Variants in CDH11 observed in about 807,000 individuals in gnomAD.
The protein encoded by CDH11 is cadherin-11.
A neutral mutation model predicts 67.8 loss-of-function variants in CDH11; 11 were observed. The ratio of observed to expected loss-of-function variants is 0.16; its 90% confidence interval spans 0.10 to 0.27. CDH11 has a LOEUF of 0.27. Among genes scored for constraint, CDH11 ranks in the 10% least tolerant of loss-of-function variants. CDH11 has a pLI of 1.00. For missense variants in CDH11, 847 were observed against 1,031.2 expected, an observed-to-expected ratio of 0.82 and a Z score of 2.45; for synonymous variants, 419 against 400.0, an observed-to-expected ratio of 1.05 and a Z score of -0.57.
intron 7 of CDH11, chr16:64,986,520 A>G (rs954768836): frequency 1.3e-5 from 2 of 151,930 alleles, no homozygotes; most frequent in African/African-American, 4.8e-5. Context: ...ACAGCAAAGG[A>G]TGGGAGGCAG....
intron 12 of CDH11, 82 bp from the exon 13 acceptor site, chr16:64,948,181 T>C (rs1450576127): frequency 1.3e-6 from 2 of 1,523,412 alleles, no homozygotes; most frequent in South Asian, 1.3e-5. Context: ...CTGATTACCA[T>C]AAACCATGAG....
At chr16:64,991,957 A>T in intron 5 of CDH11, 22 bp from the exon 6 acceptor site, 1 of 1,541,848 alleles carries the variant, frequency 6.5e-7, no homozygotes, top group East Asian at 2.3e-5. Flanking sequence ...AGCAGGCAAC[A>T]TCACAGATAT....
rs189153026 is a variant in CDH11 at position 64,989,826 on chromosome 16, C to A, written c.812-1482G>T. On this transcript the variant is annotated intron_variant, in intron 6 of 12. Coordinates refer to ENST00000268603, the MANE Select transcript of CDH11 (RefSeq NM_001797.4). ...CCAGGGTTGAAAATCTTTCCTCTAT[C>A]ATTTCCAAGCAAAGTGGTCTTGGGC... is the stretch of plus-strand genomic sequence containing the variant. Among the ~76,000 whole-genome samples, 381 of 152,306 alleles carry A rather than the reference C, an allele frequency of 2.5e-3. 1 individual carries two copies. Among genetic ancestry groups the A allele is most frequent in the Non-Finnish European group, 3.4e-3 (231 of 68,028 alleles).
chr16:65,079,431 T>C (rs1190946180), intron 1 of CDH11, among the ~76,000 whole-genome samples: 9 of 152,254 alleles, frequency 5.9e-5, no homozygotes, highest in Non-Finnish European at 8.8e-5. Flanking sequence ...TTTAAATGTA[T>C]GCTTTTACTT....
At chr16:64,965,822 T>C (rs2071810005) in intron 11 of CDH11, among the ~76,000 whole-genome samples, 1 of 143,912 alleles carries the variant, frequency 6.9e-6, no homozygotes, top group Non-Finnish European at 1.5e-5. Context: ...ACACACAAGC[T>C]TATTTATAAG....
chr16:65,014,282 G>A (rs1209700151), intron 2 of CDH11, among the ~76,000 whole-genome samples: 1 of 151,630 alleles, frequency 6.6e-6, no homozygotes, highest in Non-Finnish European at 1.5e-5. Flanking sequence ...TCAGTCACGT[G>A]TAATTTTAAA....
At chr16:65,101,125 G>T (rs1182463083) in intron 1 of CDH11, among the ~76,000 whole-genome samples, 1 of 152,186 alleles carries the variant, frequency 6.6e-6, no homozygotes, top group African/African-American at 2.4e-5. Context: ...GAGGAACTAT[G>T]TTCTAATAAC....
upstream of CDH11, among the ~76,000 whole-genome samples, chr16:65,123,093 G>A (rs2075363257): frequency 6.6e-6 from 1 of 152,140 alleles, no homozygotes; most frequent in African/African-American, 2.4e-5. Context: ...GAGTCGCCGG[G>A]AGAAAGGGCT....
At chr16:64,968,233 C>T (rs79777843) in intron 11 of CDH11, among the ~76,000 whole-genome samples, 313 of 152,132 alleles carry the variant, frequency 2.1e-3, no homozygotes, top group African/African-American at 7.2e-3. Context: ...AAAAATATAC[C>T]ACCTGCCTGC....
intron 7 of CDH11, chr16:64,983,277 A>T (rs2072402822): frequency 6.6e-6 from 1 of 152,218 alleles, no homozygotes; most frequent in Admixed American, 6.5e-5. Flanking sequence ...TTATAGGGAA[A>T]TTGATAGTAA....
intron 11 of CDH11, among the ~76,000 whole-genome samples, chr16:64,963,396 A>G (rs561908041): frequency 1.3e-5 from 2 of 152,332 alleles, no homozygotes; most frequent in East Asian, 3.9e-4. Context: ...AAAACCTCTA[A>G]AACTATAAAG....
At position 64,998,823 on chromosome 16, in the gene CDH11, T is replaced by C. The variant is rs753185429; in HGVS notation, c.262A>G (p.Ile88Val). 3.1e-6 allele frequency: 5 copies of C among 1,614,024 alleles called. No homozygotes were observed. The South Asian group carries it at 4.4e-5, about 14-fold the overall frequency. ...HSDIDSGDGN[I>V]KYILSGEGAG... ...CCTTCCCCTGAGAGAATGTATTTAATGTTCCCATCACCAGAGTCAATATCT... is the reference window on the plus strand; with the variant it reads ...CCTTCCCCTGAGAGAATGTATTTAACGTTCCCATCACCAGAGTCAATATCT... The change falls in exon 4 of 13, where the codon ATT becomes GTT. Residue 88 changes from isoleucine (I) to valine (V), a missense_variant. By Grantham distance (29) the Ile-to-Val change is conservative (BLOSUM62 3). Transcript: ENST00000268603.
chr16:65,064,608 T>C (rs2074284645), intron 1 of CDH11, among the ~76,000 whole-genome samples: 1 of 152,202 alleles, frequency 6.6e-6, no homozygotes, highest in South Asian at 2.1e-4. Flanking sequence ...AAGTCTCTGT[T>C]TGCAGTGATT....
At chr16:64,984,934 A>C (rs1027049573) in intron 7 of CDH11, 96 of 152,360 alleles carry the variant, frequency 6.3e-4, no homozygotes, top group African/African-American at 2.1e-3. Context: ...AGTTTTATTA[A>C]AACAGGGAAT....
At chr16:65,018,465 CCATAAGGTAAGAATACTCACATAGTTT>C (rs2073357864) in intron 2 of CDH11, among the ~76,000 whole-genome samples, 1 of 151,916 alleles carries the variant, frequency 6.6e-6, no homozygotes. Context: ...AACTATATTG[CCATAAGGTAAGAATACTCACATAGTTT>C]CCAAATTCTG....
intron 2 of CDH11, among the ~76,000 whole-genome samples, chr16:65,023,507 T>G (rs1215975373): frequency 1.3e-5 from 2 of 152,044 alleles, no homozygotes; most frequent in Admixed American, 6.5e-5. Flanking sequence ...GTCCACAGAG[T>G]AAAGTGAAAG....
At chr16:64,948,534 A>T (rs755551343) in intron 12 of CDH11, 1 of 1,218,334 alleles carries the variant, frequency 8.2e-7, no homozygotes, top group African/African-American at 1.5e-5. Flanking sequence ...ACCATCTTAT[A>T]GGGGGTGATG....
At chr16:64,990,407 C>T (rs1177023492) in intron 6 of CDH11, among the ~76,000 whole-genome samples, 1 of 152,126 alleles carries the variant, frequency 6.6e-6, no homozygotes, top group African/African-American at 2.4e-5. Context: ...AGTAGCCTTC[C>T]TTGTTATCTC....
At chr16:64,993,206 C>CTTCCTTCCTTCT (rs2072676748) in intron 4 of CDH11, among the ~76,000 whole-genome samples, 172 bp from the exon 5 acceptor site, 1 of 151,388 alleles carries the variant, frequency 6.6e-6, no homozygotes, top group African/African-American at 2.4e-5. Context: ...ACCTTCCTTC[C>CTTCCTTCCTTCT]TTCCTTCCTT....
Sources: allele counts gnomAD v4.1 joint callset (sites outside exome capture counted in the v4.1 genomes callset), GRCh38; gene constraint gnomAD v4.1.1; transcripts MANE v1.5; gene names NCBI Gene and HGNC (gene_info 2026-07-23, HGNC 2026-07-21).